The following MAML3 variants were observed in gnomAD, a reference collection of about 807,000 sequenced individuals.
The protein encoded by MAML3 is mastermind-like protein 3.
Under a neutral mutation model 101.9 loss-of-function variants are expected in MAML3, and 27 were observed. That is an observed-to-expected ratio of 0.27 (90% confidence interval 0.20 to 0.37). The LOEUF (loss-of-function observed/expected upper bound fraction) is 0.37, where lower values mean the gene tolerates loss of function less well. Among genes scored for constraint, MAML3 ranks in the 10% least tolerant of loss-of-function variants. The pLI is 1.00. For synonymous variants in MAML3, 501 were observed against 555.9 expected (o/e 0.90, Z 1.39); for missense variants, 1,316 against 1,444.9 (o/e 0.91, Z 1.45).
chr4:139,875,639 C>T (rs1034018159), intron 2 of MAML3, among the ~76,000 whole-genome samples: 6 of 152,106 alleles, frequency 3.9e-5, no homozygotes, highest in Non-Finnish European at 8.8e-5. Flanking sequence ...CCCAGGGCTG[C>T]TCACAAATGT....
chr4:140,011,098 GA>G (rs70943466), intron 1 of MAML3, among the ~76,000 whole-genome samples: 56,383 of 95,706 alleles, frequency 0.59, 17,306 homozygotes, highest in Non-Finnish European at 0.72. Context: ...ACTCTGTCTC[GA>G]AAAAAAAAAA....
chr4:140,033,780 A>G (rs563134449), intron 1 of MAML3, among the ~76,000 whole-genome samples: 18 of 152,328 alleles, frequency 1.2e-4, no homozygotes, highest in Admixed American at 9.8e-4. Flanking sequence ...ATGTGTAAGG[A>G]CTGAATAAAT....
intron 1 of MAML3, among the ~76,000 whole-genome samples, chr4:140,139,710 T>G (rs767680823): frequency 6.6e-6 from 1 of 152,256 alleles, no homozygotes; most frequent in Non-Finnish European, 1.5e-5. Flanking sequence ...TATCTAATAG[T>G]TGTTATAATC....
At chr4:139,800,619 G>A (rs1003553916) in intron 2 of MAML3, among the ~76,000 whole-genome samples, 1 of 152,186 alleles carries the variant, frequency 6.6e-6, no homozygotes, top group South Asian at 2.1e-4. Flanking sequence ...GGAGGCCTCC[G>A]TCACTGGAAG....
chr4:139,801,643 G>GTGTGT lies in MAML3; in HGVS notation c.2080-70977_2080-70976insACACA, dbSNP rs1560798508. 8.1e-3 allele frequency among the ~76,000 whole-genome samples: 248 copies of GTGTGT among 30,772 alleles called. 4 individuals carry two copies. The highest frequency in any genetic ancestry group is 0.025 in the South Asian group (22 of 888). 20.2% of individuals were successfully genotyped at this position (30,772 alleles called of 152,430 possible). On this transcript the variant is annotated intron_variant, in intron 2 of 4. Coordinates refer to ENST00000509479, the MANE Select transcript of MAML3 (RefSeq NM_018717.5). The stretch of plus-strand genomic sequence containing the variant: ...AAAGAGCAGGAACAGGGTGTGTGTG[G>GTGTGT]GTGTGTGTGTGTGTGTGTGTGTGTG...
At chr4:139,926,492 C>T (rs1035854739) in intron 1 of MAML3, among the ~76,000 whole-genome samples, 4 of 152,102 alleles carry the variant, frequency 2.6e-5, no homozygotes, top group Non-Finnish European at 5.9e-5. Context: ...CCCAGCTACT[C>T]GGGAGGCTGT....
chr4:139,828,712 CTT>C (rs996757226), intron 2 of MAML3, among the ~76,000 whole-genome samples: 39,725 of 128,086 alleles, frequency 0.31, 5,965 homozygotes, highest in Admixed American at 0.41. Flanking sequence ...AGATGCACTT[CTT>C]TTTTTTTTTT....
chr4:139,906,875 A>ATTT lies in MAML3; in HGVS notation c.469-15911_469-15909dup, dbSNP rs146366681. ...TCACCTTGGTCTCAGTTCAGAAGCA[A>ATTT]TTTTTTTTTTTGTAATAACAATTGA... On this transcript the variant is annotated intron_variant, in intron 1 of 4. Coordinates refer to ENST00000509479, the MANE Select transcript of MAML3 (RefSeq NM_018717.5). 3.5e-4 allele frequency among the ~76,000 whole-genome samples: 52 copies of ATTT among 149,490 alleles called. 1 individual carries two copies. The highest frequency in any genetic ancestry group is 6.3e-4 in the South Asian group (3 of 4,768).
chr4:139,829,179 TG>T (rs1450787030), intron 2 of MAML3, among the ~76,000 whole-genome samples: 2 of 89,082 alleles, frequency 2.2e-5, no homozygotes, highest in Non-Finnish European at 4.4e-5. Context: ...CGGAAGGAAG[TG>T]GGAAAGGAAA....
intron 1 of MAML3, among the ~76,000 whole-genome samples, chr4:139,964,233 A>G (rs1387765801): frequency 6.6e-6 from 1 of 152,214 alleles, no homozygotes; most frequent in East Asian, 1.9e-4. Flanking sequence ...TGTGGTACAT[A>G]TACAACATGG....
At chr4:139,822,241 C>CACA (rs1730985954) in intron 2 of MAML3, among the ~76,000 whole-genome samples, 1 of 148,808 alleles carries the variant, frequency 6.7e-6, no homozygotes, top group East Asian at 2.0e-4. Context: ...CCACCACCAC[C>CACA]ACCACCACCA....
intron 2 of MAML3, among the ~76,000 whole-genome samples, chr4:139,774,288 G>A (rs1008721949): frequency 3.3e-5 from 5 of 152,202 alleles, no homozygotes; most frequent in African/African-American, 7.2e-5. Flanking sequence ...TTAACTGGGC[G>A]ATACTCTGTT....
chr4:140,040,883 A>G (rs143886838), intron 1 of MAML3, among the ~76,000 whole-genome samples: 3 of 152,238 alleles, frequency 2.0e-5, no homozygotes, highest in African/African-American at 7.2e-5. Flanking sequence ...TGACAATCTG[A>G]GCTAATACAT....
chr4:139,930,754 G>A (rs1157272375), intron 1 of MAML3, among the ~76,000 whole-genome samples: 1 of 152,052 alleles, frequency 6.6e-6, no homozygotes, highest in Admixed American at 6.5e-5. Context: ...GTTTAAATGA[G>A]GAGTAACGTG....
intron 2 of MAML3, among the ~76,000 whole-genome samples, chr4:139,795,858 G>C (rs1259499727): frequency 1.3e-5 from 2 of 152,194 alleles, no homozygotes; most frequent in East Asian, 3.8e-4. Flanking sequence ...GTGTAACTAC[G>C]CATGTATGTG....
At chr4:139,776,396 A>G (rs1302892448) in intron 2 of MAML3, among the ~76,000 whole-genome samples, 1 of 152,112 alleles carries the variant, frequency 6.6e-6, no homozygotes, top group Non-Finnish European at 1.5e-5. Flanking sequence ...CTTTCTCTGG[A>G]ACCCTTCTTG....
At chr4:140,067,453 G>C (rs1281960685) in intron 1 of MAML3, among the ~76,000 whole-genome samples, 1 of 152,092 alleles carries the variant, frequency 6.6e-6, no homozygotes, top group African/African-American at 2.4e-5. Context: ...AATAAAACTT[G>C]CTAACAATGT....
chr4:139,775,535 T>C lies in MAML3; in HGVS notation c.2080-44868A>G, dbSNP rs1730076857. Among the ~76,000 whole-genome samples, 4 of 152,188 alleles carry C rather than the reference T, an allele frequency of 2.6e-5. No individual in the cohort carries two copies. The South Asian group carries it at 6.2e-4, about 24-fold the overall frequency. ...CATTTCAAAGCTCTGTCTAGCTAAA[T>C]TAAGGATGAGGAACGAAACTGGAGT... On this transcript the variant is annotated intron_variant, in intron 2 of 4. Transcript: ENST00000509479.
Position 139,801,643 on chromosome 4 carries a change from G to GTGTGTGTGTGTGTGTGTGTGTGT in MAML3, c.2080-70977_2080-70976insACACACACACACACACACACACA, listed in dbSNP as rs1560798508. 1.9e-4 allele frequency among the ~76,000 whole-genome samples: 6 copies of GTGTGTGTGTGTGTGTGTGTGTGT among 30,776 alleles called. 1 individual carries two copies. In the South Asian group the frequency reaches 3.4e-3, roughly 17 times the overall value. The allele number at this position is 30,776 out of a possible 152,430, so 20.2% of individuals were successfully genotyped here. The stretch of plus-strand genomic sequence containing the variant: ...AAAGAGCAGGAACAGGGTGTGTGTG[G>GTGTGTGTGTGTGTGTGTGTGTGT]GTGTGTGTGTGTGTGTGTGTGTGTG... On this transcript the variant is annotated intron_variant, in intron 2 of 4. Transcript: ENST00000509479.
Sources: gnomAD v4.1 joint callset for allele counts (sites outside exome capture counted in the v4.1 genomes callset) on GRCh38, gnomAD v4.1.1 for gene constraint, MANE v1.5 for transcripts, NCBI Gene and HGNC (gene_info 2026-07-23, HGNC 2026-07-21) for gene names.